The following RRM1 variants were observed in gnomAD, a reference collection of about 807,000 sequenced individuals.
RRM1 encodes ribonucleoside-diphosphate reductase large subunit.
In RRM1, 19 loss-of-function variants were observed where a neutral mutation model predicts 101.5. That is an observed-to-expected ratio of 0.19 (90% CI 0.13 to 0.27). RRM1 has a LOEUF of 0.27. RRM1 is among the 10% of genes least tolerant of loss of function. RRM1 has a pLI of 1.00. For synonymous variants in RRM1, 298 were observed against 323.4 expected, an observed-to-expected ratio of 0.92 and a Z score of 0.84; for missense variants, 500 against 962.9, an observed-to-expected ratio of 0.52 and a Z score of 6.36.
rs1437235143 is a variant in RRM1, at chr11:4,138,855, A to G, written c.*472A>G. 1.1e-5 allele frequency: 2 copies of G among 187,626 alleles called. No homozygotes were observed. The highest frequency in any genetic ancestry group is 2.2e-5 in the Non-Finnish European group (2 of 89,058). The allele number at this position is 187,626 out of a possible 1,614,324, so 11.6% of individuals were successfully genotyped here. On this transcript the variant is annotated 3_prime_UTR_variant, in exon 19 of 19. Transcript: ENST00000300738. Reference sequence around the variant, plus strand: ...ATGGTCCTATAGGTTATTCTGAAATAAAGATAAACATTTCTAAGTGATTGT... The same window carrying G: ...ATGGTCCTATAGGTTATTCTGAAATGAAGATAAACATTTCTAAGTGATTGT...
chr11:4,123,269 C>T lies in RRM1; in HGVS notation c.1205C>T (p.Thr402Ile). The change falls in exon 12 of 19, where the codon ACC (threonine) becomes ATC (isoleucine). Residue 402 changes from threonine to isoleucine, a missense_variant. This residue lies in a region of RRM1 where 80 missense variants were observed against 170.9 expected (regional missense o/e 0.47). Transcript: ENST00000300738. Reference sequence around the variant, plus strand: ...ATTGAGTCTCAGACGGAAACAGGCACCCCGTATATGCTCTACAAAGATTCC... The same window carrying T: ...ATTGAGTCTCAGACGGAAACAGGCATCCCGTATATGCTCTACAAAGATTCC... ...AIIESQTETG[T>I]PYMLYKDSCN... is the part of the protein sequence containing the mutation. 2 of 1,614,012 alleles carry T rather than the reference C, an allele frequency of 1.2e-6. No homozygotes were observed. The highest frequency in any genetic ancestry group is 1.7e-6 in the Non-Finnish European group (2 of 1,179,976).
Position 4,094,849 on chromosome 11 carries a change from C to A in RRM1, c.-164C>A. ...CGCGGGAAGGGGATTTGGATTGTTG[C>A]GCCTCTGCTCTGAAGAAAGTGCTGT... On this transcript the variant is annotated 5_prime_UTR_variant, in exon 1 of 19. Transcript: ENST00000300738. The A allele has an allele frequency of 1.5e-6, 1 of 682,408 alleles. No homozygotes were observed. Among genetic ancestry groups the A allele is most frequent in the Non-Finnish European group, 2.5e-6 (1 of 392,368 alleles). 42.3% of individuals were successfully genotyped at this position (682,408 alleles called of 1,614,324 possible). A position where few individuals can be genotyped will look rare whatever the true frequency, so the allele number is the denominator to read the frequency against.
intron 10 of RRM1, 28 bp downstream of exon 10, chr11:4,121,793 G>A (rs1329623784): frequency 6.4e-7 from 1 of 1,560,942 alleles, no homozygotes; most frequent in South Asian, 1.2e-5. Flanking sequence ...GTTGGTAATA[G>A]CAACTTGATT....
intron 5 of RRM1, among the ~76,000 whole-genome samples, 200 bp from the exon 6 acceptor site, chr11:4,111,401 A>G (rs1376364590): frequency 5.5e-5 from 8 of 144,988 alleles, no homozygotes; most frequent in Admixed American, 4.9e-4. Context: ...ACAGAGCGAG[A>G]CTCTGTCTCA....
At chr11:4,095,805 TAGG>T (rs1019320283) in intron 1 of RRM1, among the ~76,000 whole-genome samples, 1 of 152,160 alleles carries the variant, frequency 6.6e-6, no homozygotes, top group Non-Finnish European at 1.5e-5. Context: ...TGTGAGATTG[TAGG>T]AGGAGACAGT....
intron 7 of RRM1, among the ~76,000 whole-genome samples, chr11:4,115,357 G>A (rs1006026125): frequency 6.6e-5 from 10 of 152,172 alleles, no homozygotes; most frequent in African/African-American, 2.4e-4. Context: ...GAGAGGCTGA[G>A]GGAGATAACG....
intron 14 of RRM1, among the ~76,000 whole-genome samples, chr11:4,127,657 A>C (rs890437928): frequency 5.3e-5 from 8 of 152,224 alleles, no homozygotes; most frequent in African/African-American, 1.9e-4. Flanking sequence ...TCTGGTCTTC[A>C]GAACTATGAG....
At chr11:4,099,353 G>A (rs2094547764) in intron 1 of RRM1, 1 of 124,998 alleles carries the variant, frequency 8.0e-6, no homozygotes, top group African/African-American at 3.1e-5. Flanking sequence ...ATATTGGCTA[G>A]ACTGGTCTCG....
rs56134721 is a variant in RRM1, at chr11:4,138,598, GAA to G, written c.*224_*225del. 3.5e-6 allele frequency: 1 copy of G among 282,304 alleles called. No individual in the cohort carries two copies. Among genetic ancestry groups the G allele is most frequent in the Non-Finnish European group, 6.5e-6 (1 of 154,258 alleles). The allele number at this position is 282,304 out of a possible 1,614,324, so 17.5% of individuals were successfully genotyped here. On this transcript the variant is annotated 3_prime_UTR_variant, in exon 19 of 19. Transcript: ENST00000300738. ...ACCAAAATAATGCTTTTGAAAAAAA[GAA>G]AAAAAAAACGGATATATTGAGAATC...
chr11:4,122,268 C>G (rs754951923), intron 11 of RRM1, 48 bp downstream of exon 11: 1 of 1,369,840 alleles, frequency 7.3e-7, no homozygotes. Context: ...ATCATGGTTT[C>G]TCTTATTTCA....
At chr11:4,115,790 C>T (rs1590720858) in intron 7 of RRM1, among the ~76,000 whole-genome samples, 1 of 152,142 alleles carries the variant, frequency 6.6e-6, no homozygotes, top group African/African-American at 2.4e-5. Flanking sequence ...CTCCTGACCT[C>T]AGGTGATCCA....
intron 8 of RRM1, chr11:4,119,280 C>T (rs2094578190): frequency 6.3e-6 from 1 of 159,206 alleles, no homozygotes; most frequent in African/African-American, 2.4e-5. Flanking sequence ...TCTTTCTAGA[C>T]TGTTTAAAGG....
intron 7 of RRM1, among the ~76,000 whole-genome samples, chr11:4,112,384 G>A (rs929660947): frequency 2.0e-5 from 3 of 151,398 alleles, no homozygotes; most frequent in African/African-American, 7.3e-5. Context: ...TTGTTGTTGA[G>A]ACAAAGTCTC....
intron 1 of RRM1, among the ~76,000 whole-genome samples, chr11:4,095,276 CACTT>C (rs2094542046): frequency 6.6e-6 from 1 of 152,250 alleles, no homozygotes; most frequent in Non-Finnish European, 1.5e-5. Flanking sequence ...AAAAGGATAA[CACTT>C]ACCCCGTATC....
At chr11:4,106,822 C>A (rs1024774879) in intron 3 of RRM1, among the ~76,000 whole-genome samples, 10 of 152,132 alleles carry the variant, frequency 6.6e-5, no homozygotes, top group African/African-American at 2.4e-4. Context: ...TTTCGTATTT[C>A]TCCATGCTGC....
chr11:4,137,394 G>C (rs1255303093), intron 18 of RRM1: 6 of 142,126 alleles, frequency 4.2e-5, no homozygotes, highest in African/African-American at 6.1e-5. Context: ...TGGCCAGGCG[G>C]GGGGCTGACC....
At chr11:4,103,068 G>A (rs2094553681) in intron 2 of RRM1, among the ~76,000 whole-genome samples, 2 of 152,050 alleles carry the variant, frequency 1.3e-5, no homozygotes, top group East Asian at 3.9e-4. Flanking sequence ...CACTGCTAAG[G>A]TATCTTAGGT....
At chr11:4,101,855 G>A in intron 1 of RRM1, 138 bp from the exon 2 acceptor site, 1 of 604,146 alleles carries the variant, frequency 1.7e-6, no homozygotes. Context: ...AATCTTTTGA[G>A]GGGGCCTCAA....
intron 2 of RRM1, among the ~76,000 whole-genome samples, chr11:4,102,287 A>G (rs1215576584): frequency 6.6e-6 from 1 of 152,044 alleles, no homozygotes; most frequent in African/African-American, 2.4e-5. Flanking sequence ...GAGAACTATG[A>G]ATGTGAGTAA....
Sources: allele counts gnomAD v4.1 joint callset (sites outside exome capture counted in the v4.1 genomes callset), GRCh38; gene constraint gnomAD v4.1.1; regional missense constraint gnomAD v4.1.1; transcripts MANE v1.5; gene names NCBI Gene and HGNC (gene_info 2026-07-23, HGNC 2026-07-21).